Variants in MAP2K5 observed in about 807,000 individuals in gnomAD.
The protein encoded by MAP2K5 is dual specificity mitogen-activated protein kinase kinase 5.
Under a neutral mutation model 83.1 loss-of-function variants are expected in MAP2K5, and 49 were observed. The observed-to-expected ratio is 0.59, with a 90% CI of 0.47 to 0.75. MAP2K5 has a LOEUF of 0.75. Ranked by LOEUF, MAP2K5 falls within the 30% of genes least tolerant of loss-of-function variation. MAP2K5 has a pLI of 0.00. For synonymous variants in MAP2K5, 202 were observed against 191.8 expected (o/e 1.05, Z -0.44); for missense variants, 457 against 557.5 (o/e 0.82, Z 1.82).
At chr15:67,545,242 CAT>C (rs1346378177) in intron 1 of MAP2K5, among the ~76,000 whole-genome samples, 1 of 152,164 alleles carries the variant, frequency 6.6e-6, no homozygotes, top group Non-Finnish European at 1.5e-5. Flanking sequence ...CAGCAAAGCA[CAT>C]GTTTGATCAT....
rs572924315 is a variant in MAP2K5, at chr15:67,555,852, C to T, written c.184+5770C>T. Among the ~76,000 whole-genome samples the T allele has an allele frequency of 5.3e-5, 8 of 150,580 alleles. No individual in the cohort carries two copies. Among genetic ancestry groups the T allele is most frequent in the East Asian group, 3.9e-4 (2 of 5,108 alleles). ...AGGCTGGAGTGCAGTGGTGTGATCT[C>T]GGCTCACTGCAACCTCCACCTCAGG... On this transcript the variant is annotated intron_variant, in intron 2 of 21. Transcript: ENST00000178640. The surrounding 1 kb of genome is among the most constrained non-coding windows in gnomAD (Gnocchi z 5.2).
At position 67,563,715 on chromosome 15, in the gene MAP2K5, C is replaced by G. The variant is rs144333186; in HGVS notation, c.252+365C>G. The stretch of plus-strand genomic sequence containing the variant: ...AAAATCTACTTTCAACTGGAGATCT[C>G]TCTCACCCTTCCAGACTATAGTTTA... On this transcript the variant is annotated intron_variant, in intron 3 of 21. Coordinates refer to ENST00000178640, the MANE Select transcript of MAP2K5 (RefSeq NM_145160.3). This position sits in a 1 kb window ranked among gnomAD's most constrained non-coding sequence, Gnocchi z 4.5. 5.3e-3 allele frequency among the ~76,000 whole-genome samples: 803 copies of G among 152,128 alleles called. 12 individuals are homozygous for G. The highest frequency in any genetic ancestry group is 0.018 in the African/African-American group (750 of 41,486).
chr15:67,789,439 C>A (rs968218559), intron 21 of MAP2K5, among the ~76,000 whole-genome samples: 4 of 152,104 alleles, frequency 2.6e-5, no homozygotes, highest in Non-Finnish European at 5.9e-5. Flanking sequence ...TCTAGTTGGC[C>A]AGGCGTGGCG....
Position 67,585,108 on chromosome 15 carries a change from G to A in MAP2K5, c.323-782G>A, listed in dbSNP as rs534948806. Among the ~76,000 whole-genome samples, 8 of 145,050 alleles carry A rather than the reference G, an allele frequency of 5.5e-5. No individual in the cohort carries two copies. In the East Asian group the frequency reaches 1.0e-3, roughly 18 times the overall value. ...AAAAAAAAAAAAATCAAATTAATTCGTCCCCAAACAATCAATCAAAATTGA... is the reference window on the plus strand; with the variant it reads ...AAAAAAAAAAAAATCAAATTAATTCATCCCCAAACAATCAATCAAAATTGA... On this transcript the variant is annotated intron_variant, in intron 4 of 21. Coordinates refer to ENST00000178640, the MANE Select transcript of MAP2K5 (RefSeq NM_145160.3).
chr15:67,745,154 C>G (rs570160298), intron 17 of MAP2K5, among the ~76,000 whole-genome samples: 2 of 152,306 alleles, frequency 1.3e-5, no homozygotes, highest in East Asian at 1.9e-4. Context: ...TCCCAAAGTA[C>G]TAGTTAGACA....
chr15:67,542,950 G>T lies in MAP2K5; in HGVS notation c.-386G>T. The T allele has an allele frequency of 4.1e-6, 1 of 242,722 alleles. No homozygotes were observed. The highest frequency in any genetic ancestry group is 1.0e-4 in the East Asian group (1 of 9,706). 15.0% of individuals were successfully genotyped at this position (242,722 alleles called of 1,614,324 possible). A position where few individuals can be genotyped will look rare whatever the true frequency, so the allele number is the denominator to read the frequency against. The stretch of plus-strand genomic sequence containing the variant: ...GGACCCTCTCCTAGTCCACTGACGA[G>T]CGGTGGACACCTGCCGCTGTATCTC... On this transcript the variant is annotated 5_prime_UTR_variant, in exon 1 of 22. Coordinates refer to ENST00000178640, the MANE Select transcript of MAP2K5 (RefSeq NM_145160.3).
chr15:67,773,953 G>C (rs2090189067), intron 21 of MAP2K5, among the ~76,000 whole-genome samples: 1 of 152,116 alleles, frequency 6.6e-6, no homozygotes, highest in African/African-American at 2.4e-5. Flanking sequence ...AAAGGAATAG[G>C]GTTTCATAAA....
At chr15:67,692,602 T>A (rs1372419089) in intron 14 of MAP2K5, 50 bp downstream of exon 14, 2 of 1,385,236 alleles carry the variant, frequency 1.4e-6, no homozygotes, top group Non-Finnish European at 2.0e-6. Flanking sequence ...ACAACCCCTT[T>A]ATATTTTCAT....
Position 67,577,489 on chromosome 15 carries a change from G to A in MAP2K5, c.253-3265G>A, listed in dbSNP as rs886474682. 3.9e-5 allele frequency among the ~76,000 whole-genome samples: 6 copies of A among 152,062 alleles called. No individual in the cohort carries two copies. Among genetic ancestry groups the A allele is most frequent in the African/African-American group, 1.4e-4 (6 of 41,384 alleles). On this transcript the variant is annotated intron_variant, in intron 3 of 21. Coordinates refer to ENST00000178640, the MANE Select transcript of MAP2K5 (RefSeq NM_145160.3). The surrounding 1 kb of genome is among the most constrained non-coding windows in gnomAD (Gnocchi z 4.1). ...GATAACTTGAAGTAATATTATGAAG[G>A]TTACTTTGTTACATTTCTGTCCAAG... is the stretch of plus-strand genomic sequence containing the variant.
rs1567324884 is a variant in MAP2K5 at position 67,634,393 on chromosome 15, A to AAAT, written c.585+3468_585+3469insTAA. On this transcript the variant is annotated intron_variant, in intron 9 of 21. Transcript: ENST00000178640. ...AAAAAAAAAAAAAAAAAAAAAAAAA[A>AAAT]AAAAAAAAAAAAAAAAGAATGTATA... Among the ~76,000 whole-genome samples the AAAT allele has an allele frequency of 5.3e-3, 561 of 105,292 alleles. 2 individuals are homozygous for AAAT. The highest frequency in any genetic ancestry group is 0.01 in the Non-Finnish European group (469 of 46,856). The allele number at this position is 105,292 out of a possible 152,430, so 69.1% of individuals were successfully genotyped here.
intron 11 of MAP2K5, among the ~76,000 whole-genome samples, chr15:67,651,233 A>G (rs1238976919): frequency 2.0e-5 from 3 of 152,210 alleles, no homozygotes; most frequent in African/African-American, 4.8e-5. Context: ...AAATCAATCA[A>G]AATTTTTATG....
At position 67,747,902 on chromosome 15, in the gene MAP2K5, T is replaced by G. The variant is rs2089638229; in HGVS notation, c.1075-329T>G. Among the ~76,000 whole-genome samples the G allele has an allele frequency of 6.6e-6, 1 of 152,240 alleles. No homozygotes were observed. Among genetic ancestry groups the G allele is most frequent in the African/African-American group, 2.4e-5 (1 of 41,458 alleles). On this transcript the variant is annotated intron_variant, in intron 17 of 21. Coordinates refer to ENST00000178640, the MANE Select transcript of MAP2K5 (RefSeq NM_145160.3). This position sits in a 1 kb window ranked among gnomAD's most constrained non-coding sequence, Gnocchi z 4.1. Reference sequence around the variant, plus strand: ...CGTAACATTAGCAATGATTGCAACATTAAGCCCAGTGTTCACAATCTAGCA... The same window carrying G: ...CGTAACATTAGCAATGATTGCAACAGTAAGCCCAGTGTTCACAATCTAGCA...
chr15:67,720,241 CAT>C lies in MAP2K5; in HGVS notation c.1045-7673_1045-7672del, dbSNP rs778631367. 3.3e-5 allele frequency among the ~76,000 whole-genome samples: 5 copies of C among 152,012 alleles called. No homozygotes were observed. Among genetic ancestry groups the C allele is most frequent in the Non-Finnish European group, 7.4e-5 (5 of 67,998 alleles). ...ACAGATTAATATACACATACACAAACATAAACACACGCATATATATACACACA... is the reference window on the plus strand; with the variant it reads ...ACAGATTAATATACACATACACAAACAAACACACGCATATATATACACACA... On this transcript the variant is annotated intron_variant, in intron 16 of 21. Transcript: ENST00000178640. The surrounding 1 kb of genome is among the most constrained non-coding windows in gnomAD (Gnocchi z 5.7).
At chr15:67,753,940 C>T (rs945100832) in intron 19 of MAP2K5, among the ~76,000 whole-genome samples, 3 of 152,126 alleles carry the variant, frequency 2.0e-5, no homozygotes, top group Admixed American at 6.5e-5. Context: ...ATAGCCCAAA[C>T]GTAGAAAGAA....
At position 67,577,514 on chromosome 15, in the gene MAP2K5, G is replaced by C. The variant is rs1259176081; in HGVS notation, c.253-3240G>C. 1.3e-5 allele frequency among the ~76,000 whole-genome samples: 2 copies of C among 152,168 alleles called. No homozygotes were observed. The highest frequency in any genetic ancestry group is 2.1e-4 in the South Asian group (1 of 4,826). On this transcript the variant is annotated intron_variant, in intron 3 of 21. Transcript: ENST00000178640. This position sits in a 1 kb window ranked among gnomAD's most constrained non-coding sequence, Gnocchi z 4.1. ...GTTACTTTGTTACATTTCTGTCCAA[G>C]CTATTATGTTCAGTATCTTAGTGTA... is the stretch of plus-strand genomic sequence containing the variant.
At chr15:67,706,825 T>C (rs1481869296) in intron 16 of MAP2K5, among the ~76,000 whole-genome samples, 1 of 151,998 alleles carries the variant, frequency 6.6e-6, no homozygotes, top group East Asian at 1.9e-4. Context: ...TAAAGAAAAA[T>C]ATGTGATAGG....
At position 67,636,364 on chromosome 15, in the gene MAP2K5, C is replaced by T. The variant is rs563148411; in HGVS notation, c.585+5437C>T. On this transcript the variant is annotated intron_variant, in intron 9 of 21. Transcript: ENST00000178640. The surrounding 1 kb of genome is among the most constrained non-coding windows in gnomAD (Gnocchi z 4.7). Reference sequence around the variant, plus strand: ...TGGAGCTTGCAGTGAGCCAAGATTGCGCCACTGCACTCCAGCCTGGGCAAC... The same window carrying T: ...TGGAGCTTGCAGTGAGCCAAGATTGTGCCACTGCACTCCAGCCTGGGCAAC... Among the ~76,000 whole-genome samples, 735 of 151,014 alleles carry T rather than the reference C, an allele frequency of 4.9e-3. 2 individuals are homozygous for T. The highest frequency in any genetic ancestry group is 8.6e-3 in the Non-Finnish European group (585 of 67,796).
intron 13 of MAP2K5, among the ~76,000 whole-genome samples, chr15:67,685,725 G>C (rs2141191582): frequency 6.6e-6 from 1 of 152,318 alleles, no homozygotes; most frequent in East Asian, 1.9e-4. Flanking sequence ...CTTGAAGGTA[G>C]ACTGTAAGAA....
At chr15:67,666,418 A>G (rs2087380007) in intron 13 of MAP2K5, among the ~76,000 whole-genome samples, 1 of 152,048 alleles carries the variant, frequency 6.6e-6, no homozygotes, top group African/African-American at 2.4e-5. Context: ...AAATAACTAA[A>G]TTTTTCATTT....
Sources: gnomAD v4.1 joint callset for allele counts (sites outside exome capture counted in the v4.1 genomes callset) on GRCh38, gnomAD v4.1.1 for gene constraint, Gnocchi (gnomAD v3.1) non-coding constraint, MANE v1.5 for transcripts, NCBI Gene and HGNC (gene_info 2026-07-23, HGNC 2026-07-21) for gene names.